Variants in HECW1 observed in about 807,000 individuals in gnomAD.
HECW1 encodes the protein E3 ubiquitin-protein ligase HECW1.
In HECW1, 61 loss-of-function variants were observed where a neutral mutation model predicts 182.3. That is an observed-to-expected ratio of 0.33 (90% CI 0.27 to 0.41). HECW1 has a LOEUF of 0.41. Among genes scored for constraint, HECW1 ranks in the 10% least tolerant of loss-of-function variants. The pLI is 1.00. For synonymous variants in HECW1, 859 were observed against 832.6 expected (o/e 1.03, Z -0.55); for missense variants, 1,739 against 2,108.9 (o/e 0.82, Z 3.44).
intron 2 of HECW1, among the ~76,000 whole-genome samples, chr7:43,178,637 C>T (rs1229036145): frequency 6.6e-6 from 1 of 152,174 alleles, no homozygotes; most frequent in African/African-American, 2.4e-5. Flanking sequence ...CACACTCGCC[C>T]CTTGTCTTGC....
chr7:43,329,221 CAG>C (rs1469140692), intron 5 of HECW1, among the ~76,000 whole-genome samples: 1 of 151,952 alleles, frequency 6.6e-6, no homozygotes, highest in Non-Finnish European at 1.5e-5. Context: ...GTAGGTGAGA[CAG>C]AATTGGAAAA....
At chr7:43,449,913 T>C (rs1411587873) in intron 11 of HECW1, among the ~76,000 whole-genome samples, 1 of 152,228 alleles carries the variant, frequency 6.6e-6, no homozygotes, top group Non-Finnish European at 1.5e-5. Flanking sequence ...CTGCTCTACA[T>C]GCCTGAGGAC....
At chr7:43,474,837 A>T (rs58946452) in intron 16 of HECW1, among the ~76,000 whole-genome samples, 22,913 of 152,296 alleles carry the variant, frequency 0.15, 2,051 homozygotes, top group South Asian at 0.24. Context: ...ATGCTACAAC[A>T]TGAATGAACC....
chr7:43,470,028 G>A (rs2077954231), intron 16 of HECW1, among the ~76,000 whole-genome samples: 1 of 152,136 alleles, frequency 6.6e-6, no homozygotes, highest in African/African-American at 2.4e-5. Context: ...AAGAATGGGG[G>A]ACTCATTACA....
intron 3 of HECW1, chr7:43,311,545 C>G: frequency 2.7e-6 from 2 of 742,938 alleles, no homozygotes; most frequent in East Asian, 2.5e-5. Flanking sequence ...CGCAGGACAC[C>G]CTGGTGCACT....
rs968049481 is a variant in HECW1 at position 43,465,943 on chromosome 7, G to A, written c.2792-504G>A. On this transcript the variant is annotated intron_variant, in intron 14 of 29. Transcript: ENST00000395891. ...AGAAAGAAAGAAGAAAGGAAGAAAG[G>A]AAGAAAAGAAAGAGAAAGAAAGAAG... Among the ~76,000 whole-genome samples, 16 of 140,134 alleles carry A rather than the reference G, an allele frequency of 1.1e-4. No individual in the cohort carries two copies. In the Middle Eastern group the frequency reaches 0.011, roughly 100 times the overall value. 91.9% of individuals were successfully genotyped at this position (140,134 alleles called of 152,430 possible). A position where few individuals can be genotyped will look rare whatever the true frequency, so the allele number is the denominator to read the frequency against.
chr7:43,113,166 C>T (rs915556819), intron 1 of HECW1, among the ~76,000 whole-genome samples: 36 of 152,302 alleles, frequency 2.4e-4, no homozygotes, highest in African/African-American at 8.4e-4. Flanking sequence ...GGCTTGGGTA[C>T]TGCAGGCGCA....
chr7:43,269,039 C>G (rs1802094323), intron 3 of HECW1, among the ~76,000 whole-genome samples: 1 of 152,182 alleles, frequency 6.6e-6, no homozygotes, highest in Admixed American at 6.5e-5. Flanking sequence ...TCTACCCACT[C>G]TCTCATGTCA....
At chr7:43,198,701 AC>A (rs1035815084) in intron 2 of HECW1, among the ~76,000 whole-genome samples, 5 of 135,240 alleles carry the variant, frequency 3.7e-5, no homozygotes, top group Non-Finnish European at 6.3e-5. Context: ...CCATACATAC[AC>A]CCCCCACAAT....
intron 6 of HECW1, among the ~76,000 whole-genome samples, chr7:43,367,983 A>C (rs1425293169): frequency 6.6e-6 from 1 of 151,888 alleles, no homozygotes; most frequent in Non-Finnish European, 1.5e-5. Flanking sequence ...TCCATGCAAC[A>C]CTCTGCCCCT....
chr7:43,508,177 C>G (rs749373868), intron 23 of HECW1, 46 bp downstream of exon 23: 2 of 1,324,522 alleles, frequency 1.5e-6, no homozygotes, highest in Non-Finnish European at 2.2e-6. Context: ...AAGGGTGGGC[C>G]AGAGCCTCAG....
chr7:43,362,375 C>T (rs571051440), intron 6 of HECW1, among the ~76,000 whole-genome samples: 104 of 152,246 alleles, frequency 6.8e-4, no homozygotes, highest in South Asian at 5.2e-3. Flanking sequence ...TTTCCCATCC[C>T]GGAACTCATA....
rs116945469 is a variant in HECW1, at chr7:43,501,242, T to C, written c.3551T>C (p.Val1184Ala). The C allele has an allele frequency of 8.4e-3, 13,289 of 1,572,982 alleles. 89 individuals carry two copies. Among genetic ancestry groups the C allele is most frequent in the Middle Eastern group, 0.012 (72 of 5,842 alleles). ...TTTGAAGAAGAGATTATGTCCTACG[T>C]CCCCCTGCAGGCTGCCTTCCACCCT... ...SLFEEEIMSY[V>A]PLQAAFHPGY... Residue 1184 changes from valine to alanine, a missense_variant, in exon 21 of 30, where the codon GTC becomes GCC. Around this residue, in one of 5 missense-constraint regions of HECW1, gnomAD observed 420 missense variants for 595.7 expected, o/e 0.71. Transcript: ENST00000395891.
chr7:43,229,491 A>G (rs978619585), intron 2 of HECW1, among the ~76,000 whole-genome samples: 2 of 151,090 alleles, frequency 1.3e-5, no homozygotes, highest in African/African-American at 4.9e-5. Context: ...GGAGAGTGGG[A>G]GGGGGAGGGG....
intron 6 of HECW1, among the ~76,000 whole-genome samples, chr7:43,363,876 C>T (rs2152814743): frequency 6.6e-6 from 1 of 152,312 alleles, no homozygotes; most frequent in African/African-American, 2.4e-5. Context: ...CCACATTTCG[C>T]TTATACTTTT....
At chr7:43,460,706 GAA>G (rs1474324675) in intron 13 of HECW1, among the ~76,000 whole-genome samples, 1 of 152,180 alleles carries the variant, frequency 6.6e-6, no homozygotes, top group Non-Finnish European at 1.5e-5. Context: ...TAATGAAATA[GAA>G]GAGAGCTGCC....
chr7:43,545,113 G>T (rs2081506128), intron 26 of HECW1, among the ~76,000 whole-genome samples: 1 of 152,078 alleles, frequency 6.6e-6, no homozygotes. Context: ...ATTTTTAAAG[G>T]TGATATATAT....
At chr7:43,539,227 G>C (rs975580647) in intron 24 of HECW1, among the ~76,000 whole-genome samples, 3 of 152,090 alleles carry the variant, frequency 2.0e-5, no homozygotes, top group African/African-American at 4.8e-5. Flanking sequence ...TTTCTTTCTT[G>C]TTGTATCTTT....
chr7:43,531,413 C>T (rs1288257744), intron 24 of HECW1, among the ~76,000 whole-genome samples: 1 of 152,196 alleles, frequency 6.6e-6, no homozygotes, highest in East Asian at 1.9e-4. Flanking sequence ...GAATGAGTAC[C>T]TTAGGATCTT....
Sources: allele counts gnomAD v4.1 joint callset (sites outside exome capture counted in the v4.1 genomes callset), GRCh38; gene constraint gnomAD v4.1.1; regional missense constraint gnomAD v4.1.1; transcripts MANE v1.5; gene names NCBI Gene and HGNC (gene_info 2026-07-23, HGNC 2026-07-21).